The following MAN1A2 variants were observed in gnomAD, a reference collection of about 807,000 sequenced individuals.
MAN1A2 encodes the protein mannosyl-oligosaccharide 1,2-alpha-mannosidase IB.
A neutral mutation model predicts 75.7 loss-of-function variants in MAN1A2; 26 were observed. That is an observed-to-expected ratio of 0.34 (90% CI 0.25 to 0.48). MAN1A2 has a LOEUF of 0.48. Ranked by LOEUF, MAN1A2 falls within the 20% of genes least tolerant of loss-of-function variation. The pLI is 0.99. For missense variants in MAN1A2, 562 were observed against 775.5 expected (o/e 0.72, Z 3.27); for synonymous variants, 247 against 264.6 (o/e 0.93, Z 0.65).
intron 5 of MAN1A2, among the ~76,000 whole-genome samples, chr1:117,425,575 A>G (rs766513460): frequency 6.6e-6 from 1 of 152,220 alleles, no homozygotes; most frequent in African/African-American, 2.4e-5. Context: ...ATAATTCACT[A>G]TGTCAACAGA....
At chr1:117,381,815 A>C (rs977157204) in intron 1 of MAN1A2, among the ~76,000 whole-genome samples, 5 of 152,182 alleles carry the variant, frequency 3.3e-5, no homozygotes, top group Admixed American at 2.0e-4. Flanking sequence ...GTGTAAAAGT[A>C]TTCCTATTTC....
intron 1 of MAN1A2, among the ~76,000 whole-genome samples, chr1:117,393,411 C>G (rs1342391795): frequency 1.3e-5 from 2 of 151,516 alleles, no homozygotes; most frequent in African/African-American, 4.8e-5. Context: ...ATCCTATAGT[C>G]ATTTCCCAAA....
chr1:117,384,719 T>C (rs1653464850), intron 1 of MAN1A2, among the ~76,000 whole-genome samples: 1 of 152,188 alleles, frequency 6.6e-6, no homozygotes, highest in Non-Finnish European at 1.5e-5. Flanking sequence ...TTTCTGGCCA[T>C]GATTTCTTCC....
rs1464744463 is a variant in MAN1A2 at position 117,523,639 on chromosome 1, C to G, written c.*682C>G. On this transcript the variant is annotated 3_prime_UTR_variant, in exon 13 of 13. Coordinates refer to ENST00000356554, the MANE Select transcript of MAN1A2 (RefSeq NM_006699.5). ...GGGGCATGATCTCACAAAGAATACT[C>G]AAGTCTTTTTCTTCTTATGGAATCA... The G allele has an allele frequency of 6.1e-6, 1 of 164,438 alleles. No individual in the cohort carries two copies. The highest frequency in any genetic ancestry group is 1.3e-5 in the Non-Finnish European group (1 of 75,856). 10.2% of individuals were successfully genotyped at this position (164,438 alleles called of 1,614,324 possible).
At chr1:117,490,386 ATAT>A (rs1454359527) in intron 8 of MAN1A2, among the ~76,000 whole-genome samples, 1 of 151,934 alleles carries the variant, frequency 6.6e-6, no homozygotes, top group African/African-American at 2.4e-5. Context: ...GTGATCTTTG[ATAT>A]TATTATTGTG....
chr1:117,526,431 ATG>A lies in MAN1A2; in HGVS notation c.*3478_*3479del, dbSNP rs1168393142. On this transcript the variant is annotated 3_prime_UTR_variant, in exon 13 of 13. Transcript: ENST00000356554. ...AAGGTTTATAATATATTTTAAAACAATGTGTTACTGTATAATACAACTATAAT... is the reference window on the plus strand; with the variant it reads ...AAGGTTTATAATATATTTTAAAACAATGTTACTGTATAATACAACTATAAT... The A allele has an allele frequency of 6.6e-6, 1 of 151,776 alleles. No homozygotes were observed. Among genetic ancestry groups the A allele is most frequent in the African/African-American group, 2.4e-5 (1 of 41,402 alleles). 9.4% of individuals were successfully genotyped at this position (151,776 alleles called of 1,614,324 possible). A position where few individuals can be genotyped will look rare whatever the true frequency, so the allele number is the denominator to read the frequency against.
intron 12 of MAN1A2, among the ~76,000 whole-genome samples, chr1:117,504,800 G>A (rs1402807739): frequency 1.3e-5 from 2 of 151,204 alleles, no homozygotes; most frequent in Non-Finnish European, 3.0e-5. Flanking sequence ...CAGGCTAGTT[G>A]CTTTGAGGAA....
At chr1:117,482,557 G>T (rs1650534681) in intron 8 of MAN1A2, among the ~76,000 whole-genome samples, 1 of 152,026 alleles carries the variant, frequency 6.6e-6, no homozygotes, top group African/African-American at 2.4e-5. Flanking sequence ...AGAAGTGTCT[G>T]TTCATATCCT....
At chr1:117,458,505 A>ATATG (rs1228645561) in intron 6 of MAN1A2, among the ~76,000 whole-genome samples, 7 of 94,254 alleles carry the variant, frequency 7.4e-5, no homozygotes, top group African/African-American at 2.8e-4. Flanking sequence ...ATCTATATAT[A>ATATG]TATATAGATA....
At chr1:117,430,021 C>T (rs1437703949) in intron 5 of MAN1A2, among the ~76,000 whole-genome samples, 8 of 44,018 alleles carry the variant, frequency 1.8e-4, no homozygotes, top group Non-Finnish European at 1.4e-4. Flanking sequence ...GGCGGCTGGC[C>T]GGGTGGGGGG....
At chr1:117,498,070 C>A (rs1350250938) in intron 10 of MAN1A2, among the ~76,000 whole-genome samples, 3 of 151,784 alleles carry the variant, frequency 2.0e-5, no homozygotes, top group African/African-American at 7.2e-5. Flanking sequence ...ATAAGGGTTC[C>A]ATTTCTTGAA....
intron 8 of MAN1A2, among the ~76,000 whole-genome samples, chr1:117,470,398 A>G (rs1265807471): frequency 2.0e-5 from 3 of 152,082 alleles, no homozygotes; most frequent in Admixed American, 2.0e-4. Context: ...GGTAGTGGTG[A>G]TGGTTTTACA....
intron 6 of MAN1A2, among the ~76,000 whole-genome samples, chr1:117,456,348 C>A (rs984501792): frequency 6.6e-6 from 1 of 151,730 alleles, no homozygotes; most frequent in Non-Finnish European, 1.5e-5. Flanking sequence ...ATGAGAATGA[C>A]CATATAGTGT....
intron 8 of MAN1A2, among the ~76,000 whole-genome samples, chr1:117,477,998 CAGAG>C (rs997302335): frequency 2.0e-5 from 3 of 151,980 alleles, no homozygotes; most frequent in Non-Finnish European, 2.9e-5. Flanking sequence ...AATAGACAAA[CAGAG>C]AGCCAAAATC....
At chr1:117,432,755 T>C (rs1648711535) in intron 5 of MAN1A2, among the ~76,000 whole-genome samples, 1 of 151,952 alleles carries the variant, frequency 6.6e-6, no homozygotes, top group Non-Finnish European at 1.5e-5. Context: ...AGCATAGCAC[T>C]AACATCATAG....
At chr1:117,444,638 T>A (rs189456200) in intron 6 of MAN1A2, among the ~76,000 whole-genome samples, 2 of 152,176 alleles carry the variant, frequency 1.3e-5, no homozygotes, top group East Asian at 3.9e-4. Context: ...TTGAACATCC[T>A]TTTCATAAAT....
chr1:117,400,303 C>T (rs1358428569), intron 1 of MAN1A2, among the ~76,000 whole-genome samples: 1 of 151,810 alleles, frequency 6.6e-6, no homozygotes, highest in Non-Finnish European at 1.5e-5. Flanking sequence ...CTCTTATCAG[C>T]ACCTTTTCAG....
intron 5 of MAN1A2, among the ~76,000 whole-genome samples, chr1:117,434,934 G>C (rs540325805): frequency 1.8e-4 from 27 of 151,974 alleles, no homozygotes; most frequent in Non-Finnish European, 3.5e-4. Flanking sequence ...TGGGTGATAC[G>C]TGGAGGGGGG....
At chr1:117,501,839 C>T (rs527832332) in intron 11 of MAN1A2, among the ~76,000 whole-genome samples, 118 of 151,822 alleles carry the variant, frequency 7.8e-4, no homozygotes, top group Non-Finnish European at 1.6e-3. Context: ...CCATGGCAGA[C>T]AGCGATGGTT....
Sources: allele counts gnomAD v4.1 joint callset (sites outside exome capture counted in the v4.1 genomes callset), GRCh38; gene constraint gnomAD v4.1.1; transcripts MANE v1.5; gene names NCBI Gene and HGNC (gene_info 2026-07-23, HGNC 2026-07-21).